The following PPP2R2D variants were observed in gnomAD, a reference collection of about 807,000 sequenced individuals.
The protein encoded by PPP2R2D is protein phosphatase 2 regulatory subunit Bdelta.
Under a neutral mutation model 31.1 loss-of-function variants are expected in PPP2R2D, and 9 were observed. The ratio of observed to expected loss-of-function variants is 0.29; its 90% CI spans 0.17 to 0.51. The LOEUF (loss-of-function observed/expected upper bound fraction) is 0.51, where lower values mean the gene tolerates loss of function less well. PPP2R2D is among the 20% of genes least tolerant of loss of function. The probability of loss-of-function intolerance (pLI) is 0.98; values close to 1 mark genes in which losing one functional copy is unlikely to be tolerated. For synonymous variants in PPP2R2D, 179 were observed against 172.6 expected, an observed-to-expected ratio of 1.04 and a Z score of -0.29; for missense variants, 391 against 465.6, an observed-to-expected ratio of 0.84 and a Z score of 1.48.
intron 2 of PPP2R2D, among the ~76,000 whole-genome samples, chr10:131,924,713 G>A (rs2036067861): frequency 6.7e-6 from 1 of 148,900 alleles, no homozygotes; most frequent in Non-Finnish European, 1.5e-5. Context: ...AAAAAAGGCA[G>A]CTGGGATTTT....
chr10:131,962,912 C>CTTA (rs1554901680), downstream of PPP2R2D, among the ~76,000 whole-genome samples: 2 of 152,222 alleles, frequency 1.3e-5, no homozygotes, highest in African/African-American at 4.8e-5. Flanking sequence ...CGCCTGTAAT[C>CTTA]CCAGCACTTT....
intron 2 of PPP2R2D, among the ~76,000 whole-genome samples, chr10:131,919,255 G>A (rs1229344787): frequency 1.8e-5 from 2 of 112,910 alleles, no homozygotes; most frequent in African/African-American, 7.0e-5. Context: ...ACAGTGTAGG[G>A]ACCTCACGTG....
At chr10:131,904,247 C>T (rs1290997648) in intron 2 of PPP2R2D, among the ~76,000 whole-genome samples, 3 of 142,938 alleles carry the variant, frequency 2.1e-5, no homozygotes, top group Non-Finnish European at 3.0e-5. Flanking sequence ...CGCAGTGGCT[C>T]ACGCTTGTAA....
rs1432598689 is a variant in PPP2R2D, at chr10:131,955,743, G to C, written c.1142G>C (p.Arg381Thr). ...FFRMFDRDTRRDVTLEASRES... is the reference protein window; with the variant it reads ...FFRMFDRDTRTDVTLEASRES... ...AGGATGTTTGATAGAGACACGCGGA[G>C]GGATGTGACCCTGGAGGCCTCGAGA... The change falls in exon 9 of 9, where the codon AGG (arginine) becomes ACG (threonine). Residue 381 changes from arginine to threonine, a missense_variant. Physicochemically the swap from Arg to Thr is moderately conservative, Grantham distance 71 (BLOSUM62 -1). Around this residue, in one of 3 missense-constraint regions of PPP2R2D, gnomAD observed 163 missense variants for 179.5 expected, o/e 0.91. Transcript: ENST00000455566. 9 of 1,541,428 alleles carry C rather than the reference G, an allele frequency of 5.8e-6. No individual in the cohort carries two copies. Among genetic ancestry groups the C allele is most frequent in the Non-Finnish European group, 7.0e-6 (8 of 1,138,720 alleles).
intron 2 of PPP2R2D, among the ~76,000 whole-genome samples, chr10:131,914,558 T>C (rs2035740827): frequency 6.6e-6 from 1 of 152,202 alleles, no homozygotes; most frequent in Non-Finnish European, 1.5e-5. Flanking sequence ...AGATGTGCAC[T>C]GCAGTGATAC....
At position 131,957,251 on chromosome 10, in the gene PPP2R2D, C is replaced by CCA; in HGVS notation, c.*1288_*1289insCA. On this transcript the variant is annotated 3_prime_UTR_variant, in exon 9 of 9. Coordinates refer to ENST00000455566, the MANE Select transcript of PPP2R2D (RefSeq NM_018461.5). ...AGGTGTGTGTTGATTCCTCCTGCTG[C>CCA]TGTGGAGATGGAGGTGTGTGCTGAT... The CCA allele has an allele frequency of 6.3e-6, 1 of 157,674 alleles. No individual in the cohort carries two copies. Among genetic ancestry groups the CCA allele is most frequent in the Non-Finnish European group, 1.4e-5 (1 of 71,964 alleles). 9.8% of individuals were successfully genotyped at this position (157,674 alleles called of 1,614,324 possible).
intron 2 of PPP2R2D, among the ~76,000 whole-genome samples, chr10:131,932,663 AAAAAACACAC>A (rs2036261183): frequency 4.2e-5 from 6 of 144,542 alleles, no homozygotes; most frequent in African/African-American, 1.7e-4. Flanking sequence ...AAAAAAAAAA[AAAAAACACAC>A]AAAAAAAACC....
intron 2 of PPP2R2D, among the ~76,000 whole-genome samples, chr10:131,929,907 C>T (rs1194810824): frequency 2.0e-5 from 3 of 152,188 alleles, no homozygotes; most frequent in Admixed American, 6.5e-5. Context: ...CTGAGGCCGC[C>T]CCGGTTGTAA....
In PPP2R2D at chr10:131,928,812, CCAG is replaced by C. The variant is rs2036153937; in HGVS notation, c.101-5642_101-5640del. Among the ~76,000 whole-genome samples the C allele has an allele frequency of 3.3e-5, 5 of 152,294 alleles. No homozygotes were observed. In the South Asian group the frequency reaches 1.0e-3, roughly 32 times the overall value. On this transcript the variant is annotated intron_variant, in intron 2 of 8. Coordinates refer to ENST00000455566, the MANE Select transcript of PPP2R2D (RefSeq NM_018461.5). ...AAGTCTCAGGATATGAGCCATGCAG[CCAG>C]CAGGCCTCCAAATGGCCGTCCAGGC...
At chr10:131,909,207 G>C (rs1364069687) in intron 2 of PPP2R2D, among the ~76,000 whole-genome samples, 2 of 152,186 alleles carry the variant, frequency 1.3e-5, no homozygotes, top group Admixed American at 1.3e-4. Flanking sequence ...TGGTCCTCTG[G>C]CAGAAAAGGG....
chr10:131,903,928 GTAC>G (rs1449255015), intron 2 of PPP2R2D, among the ~76,000 whole-genome samples: 30 of 152,204 alleles, frequency 2.0e-4, no homozygotes, highest in Admixed American at 7.2e-4. Context: ...GGGTGGCTGG[GTAC>G]GGTGACTCAC....
intron 8 of PPP2R2D, among the ~76,000 whole-genome samples, chr10:131,948,705 G>C (rs2036587164): frequency 1.3e-5 from 2 of 152,222 alleles, no homozygotes; most frequent in Non-Finnish European, 1.5e-5. Context: ...CACTGCCCCT[G>C]TGAACAGCAG....
intron 3 of PPP2R2D, among the ~76,000 whole-genome samples, chr10:131,937,405 G>A (rs900795431): frequency 1.3e-5 from 2 of 152,134 alleles, no homozygotes; most frequent in African/African-American, 2.4e-5. Context: ...AAATCAGCAC[G>A]TCCAAAAAGA....
At chr10:131,970,603 T>C in the PPP2R2D span, 1 of 1,607,678 alleles carries the variant, frequency 6.2e-7, no homozygotes, top group Non-Finnish European at 8.5e-7. This position sits in a 1 kb window ranked among gnomAD's most constrained non-coding sequence, Gnocchi z 4.1. Flanking sequence ...CCCCACGACA[T>C]GCCATGACAG....
chr10:131,908,119 G>A (rs2035627386), intron 2 of PPP2R2D, among the ~76,000 whole-genome samples: 1 of 152,112 alleles, frequency 6.6e-6, no homozygotes, highest in African/African-American at 2.4e-5. Context: ...AAAGTATTGG[G>A]GCTTGGTTTT....
intron 2 of PPP2R2D, among the ~76,000 whole-genome samples, chr10:131,909,296 G>A (rs894758939): frequency 9.2e-5 from 14 of 152,210 alleles, no homozygotes; most frequent in Non-Finnish European, 2.1e-4. Flanking sequence ...TCAGGACTCT[G>A]AGTGATTGTG....
At chr10:131,927,608 C>T (rs2036131568) in intron 2 of PPP2R2D, among the ~76,000 whole-genome samples, 1 of 152,114 alleles carries the variant, frequency 6.6e-6, no homozygotes. Flanking sequence ...AATACCCAGC[C>T]CCACTAGGAG....
chr10:131,945,406 C>G lies in PPP2R2D; in HGVS notation c.767C>G (p.Thr256Ser). 6.2e-7 allele frequency: 1 copy of G among 1,614,190 alleles called. No homozygotes were observed. Among genetic ancestry groups the G allele is most frequent in the Non-Finnish European group, 8.5e-7 (1 of 1,180,030 alleles). Residue 256 changes from threonine (T) to serine (S), a missense_variant, in exon 7 of 9, where the codon ACC becomes AGC. Physicochemically the swap from Thr to Ser is moderately conservative, Grantham distance 58. Coordinates refer to ENST00000455566, the MANE Select transcript of PPP2R2D (RefSeq NM_018461.5). This position sits in a 1 kb window ranked among gnomAD's most constrained non-coding sequence, Gnocchi z 4.8. Reference sequence around the variant, plus strand: ...TTCGTCTACAGCAGTAGCAAAGGGACCATCCGCCTGTGTGACATGCGCTCC... The same window carrying G: ...TTCGTCTACAGCAGTAGCAAAGGGAGCATCCGCCTGTGTGACATGCGCTCC... Reference protein sequence around the residue: ...NVFVYSSSKGTIRLCDMRSSA... With the variant: ...NVFVYSSSKGSIRLCDMRSSA...
intron 8 of PPP2R2D, among the ~76,000 whole-genome samples, chr10:131,952,722 G>GT (rs1554899107): frequency 1.7e-4 from 19 of 110,942 alleles, no homozygotes; most frequent in Non-Finnish European, 2.6e-4. Flanking sequence ...TTGCGGGTGT[G>GT]CGGGGTTCAC....
Sources: allele counts gnomAD v4.1 joint callset (sites outside exome capture counted in the v4.1 genomes callset), GRCh38; gene constraint gnomAD v4.1.1; regional missense constraint gnomAD v4.1.1; non-coding constraint Gnocchi (gnomAD v3.1); transcripts MANE v1.5; gene names NCBI Gene and HGNC (gene_info 2026-07-23, HGNC 2026-07-21).